NIBAN1: variants seen among roughly 807,000 people sequenced by gnomAD.
The protein encoded by NIBAN1 is niban apoptosis regulator 1.
A neutral mutation model predicts 75.1 loss-of-function variants in NIBAN1; 81 were observed. The ratio of observed to expected loss-of-function variants is 1.08; its 90% CI spans 0.90 to 1.30. The LOEUF (loss-of-function observed/expected upper bound fraction) is 1.30, where lower values mean the gene tolerates loss of function less well. NIBAN1 is among the 50% of genes most tolerant of loss of function. The probability of loss-of-function intolerance (pLI) is 0.00; values close to 1 mark genes in which losing one functional copy is unlikely to be tolerated. For missense variants in NIBAN1, 1,133 were observed against 1,128.1 expected, an observed-to-expected ratio of 1.00 and a Z score of -0.06; for synonymous variants, 436 against 424.8, an observed-to-expected ratio of 1.03 and a Z score of -0.32.
At chr1:184,929,983 A>G (rs1657780141) in intron 1 of NIBAN1, among the ~76,000 whole-genome samples, 1 of 152,166 alleles carries the variant, frequency 6.6e-6, no homozygotes, top group Non-Finnish European at 1.5e-5. Flanking sequence ...GGAATCGAGA[A>G]CCCTTCCATC....
At position 184,824,299 on chromosome 1, in the gene NIBAN1, G is replaced by A. The variant is rs570451058; in HGVS notation, c.718-557C>T. ...AGGGAGGAGCAGTGTGAAGAAGTGA[G>A]AATGACGTCTAGACCGACCAGAGCC... On this transcript the variant is annotated intron_variant, in intron 6 of 13. Transcript: ENST00000367511. 3.9e-5 allele frequency among the ~76,000 whole-genome samples: 6 copies of A among 152,266 alleles called. No individual in the cohort carries two copies. The South Asian group carries it at 8.3e-4, about 21-fold the overall frequency.
chr1:184,967,308 G>C (rs1311971145), intron 1 of NIBAN1, among the ~76,000 whole-genome samples: 1 of 151,816 alleles, frequency 6.6e-6, no homozygotes, highest in South Asian at 2.1e-4. Context: ...CAGATGAATT[G>C]TGCTTTTATT....
intron 6 of NIBAN1, among the ~76,000 whole-genome samples, chr1:184,829,581 C>A (rs1654941380): frequency 6.7e-6 from 1 of 149,150 alleles, no homozygotes; most frequent in African/African-American, 2.5e-5. Flanking sequence ...ATTCTCCTTG[C>A]CTCAGCCTCC....
chr1:184,898,399 G>T (rs1012374905), intron 2 of NIBAN1, among the ~76,000 whole-genome samples: 21 of 152,272 alleles, frequency 1.4e-4, no homozygotes, highest in Non-Finnish European at 2.9e-4. Context: ...TGGATCACTT[G>T]AGGTCAGGAG....
chr1:184,968,106 G>A (rs1188241584), intron 1 of NIBAN1, among the ~76,000 whole-genome samples: 1 of 54,072 alleles, frequency 1.8e-5, no homozygotes, highest in African/African-American at 6.3e-5. Context: ...GGGAGGCTGA[G>A]GCAGGAGAAT....
At chr1:184,825,253 G>C (rs773741557) in intron 6 of NIBAN1, among the ~76,000 whole-genome samples, 6 of 152,300 alleles carry the variant, frequency 3.9e-5, no homozygotes, top group African/African-American at 4.8e-5. Flanking sequence ...CACTGCAATC[G>C]AGAGTCTAAG....
At chr1:184,960,469 C>A (rs4651244) in intron 1 of NIBAN1, among the ~76,000 whole-genome samples, 1 of 152,088 alleles carries the variant, frequency 6.6e-6, no homozygotes, top group Admixed American at 6.5e-5. Context: ...ATGCATTAAG[C>A]AAATATTTAT....
At chr1:184,920,233 G>T (rs985138683) in intron 1 of NIBAN1, among the ~76,000 whole-genome samples, 2 of 152,128 alleles carry the variant, frequency 1.3e-5, no homozygotes, top group Non-Finnish European at 2.9e-5. Context: ...AACGTTTATG[G>T]CTATTTGAAG....
chr1:184,829,159 CT>C (rs1553217996), intron 6 of NIBAN1, among the ~76,000 whole-genome samples: 2 of 152,098 alleles, frequency 1.3e-5, no homozygotes, highest in African/African-American at 4.8e-5. Context: ...CTCTTTTCTG[CT>C]TTTTTTGTTT....
intron 1 of NIBAN1, among the ~76,000 whole-genome samples, chr1:184,926,221 C>T (rs932866983): frequency 1.3e-5 from 2 of 152,024 alleles, no homozygotes; most frequent in Non-Finnish European, 2.9e-5. Context: ...GGAGCTCCAT[C>T]GTATGTTTTT....
chr1:184,903,407 C>A (rs1212871663), intron 1 of NIBAN1, among the ~76,000 whole-genome samples: 6 of 152,232 alleles, frequency 3.9e-5, no homozygotes, highest in Non-Finnish European at 8.8e-5. Context: ...CCCTGCAAAT[C>A]TCATGTTGAG....
chr1:184,818,701 C>T lies in NIBAN1; in HGVS notation c.1110G>A (p.Glu370=). The part of the protein sequence containing the change: ...SGFSEVRVLF[E]KEVNEVSQNF... ...TCTGGCTGACTTCATTCACCTCTTT[C>T]TCAAAGAGTACACGTACTTCACTGA... The change falls in exon 9 of 14, where the codon GAG becomes GAA. Residue 370 remains glutamate, a synonymous_variant. Coordinates refer to ENST00000367511, the MANE Select transcript of NIBAN1 (RefSeq NM_052966.4). 6.2e-7 allele frequency: 1 copy of T among 1,612,990 alleles called. No homozygotes were observed. Among genetic ancestry groups the T allele is most frequent in the Middle Eastern group, 1.7e-4 (1 of 6,052 alleles).
intron 5 of NIBAN1, among the ~76,000 whole-genome samples, chr1:184,844,689 T>C (rs535723439): frequency 6.2e-4 from 95 of 152,352 alleles, no homozygotes; most frequent in African/African-American, 2.2e-3. Context: ...CTAACCTTAC[T>C]TAAAACTTTT....
At chr1:184,965,143 C>G (rs1160484314) in intron 1 of NIBAN1, among the ~76,000 whole-genome samples, 1 of 151,992 alleles carries the variant, frequency 6.6e-6, no homozygotes, top group Non-Finnish European at 1.5e-5. Flanking sequence ...ACTAAAAATA[C>G]AAAAAATTAG....
chr1:184,861,543 A>AGGGAGGGAGGAAGGGAAAGAAGGAG (rs1230522031), intron 5 of NIBAN1, among the ~76,000 whole-genome samples: 1 of 145,674 alleles, frequency 6.9e-6, no homozygotes, highest in Non-Finnish European at 1.5e-5. Flanking sequence ...GAAGGGAGGA[A>AGGGAGGGAGGAAGGGAAAGAAGGAG]GGGAGGGAGG....
intron 11 of NIBAN1, 149 bp downstream of exon 11, chr1:184,805,797 T>G: frequency 1.6e-6 from 1 of 637,728 alleles, no homozygotes; most frequent in Admixed American, 2.7e-5. Flanking sequence ...CTGGAGAAAC[T>G]GCAGCGGACT....
intron 1 of NIBAN1, 31 bp downstream of exon 1, chr1:184,974,271 G>A (rs766852547): frequency 6.5e-7 from 1 of 1,540,912 alleles, no homozygotes; most frequent in Non-Finnish European, 8.7e-7. Context: ...GGGTCAGGGT[G>A]CTCCCCAGGC....
At chr1:184,964,537 T>C (rs888460857) in intron 1 of NIBAN1, among the ~76,000 whole-genome samples, 4 of 152,232 alleles carry the variant, frequency 2.6e-5, no homozygotes, top group African/African-American at 9.6e-5. Context: ...CTATTCTCTG[T>C]AAACCTTGAT....
At chr1:184,817,882 T>C (rs569785962) in intron 9 of NIBAN1, among the ~76,000 whole-genome samples, 86 of 152,378 alleles carry the variant, frequency 5.6e-4, no homozygotes, top group Non-Finnish European at 1.0e-3. Context: ...GCGGCCATAC[T>C]TCAACCACTC....
Sources: allele counts gnomAD v4.1 joint callset (sites outside exome capture counted in the v4.1 genomes callset), GRCh38; gene constraint gnomAD v4.1.1; transcripts MANE v1.5; gene names NCBI Gene and HGNC (gene_info 2026-07-23, HGNC 2026-07-21).